PABPN1L: variants seen among roughly 807,000 people sequenced by gnomAD.
PABPN1L encodes the protein embryonic polyadenylate-binding protein 2.
PABPN1L carries 45 observed loss-of-function variants against 34.0 expected under a neutral mutation model. The observed-to-expected ratio is 1.32, with a 90% CI of 1.04 to 1.70. The LOEUF is 1.70. Ranked by LOEUF, PABPN1L falls within the 40% of genes most tolerant of loss-of-function variation. The pLI, the probability that PABPN1L is intolerant of heterozygous loss-of-function variation, is 0.00. For synonymous variants in PABPN1L, 182 were observed against 152.1 expected (o/e 1.20, Z -1.45); for missense variants, 459 against 367.8 (o/e 1.25, Z -2.03).
At chr16:88,867,976 C>T (rs1373802572), upstream of PABPN1L, among the ~76,000 whole-genome samples, 1 of 152,188 alleles carries the variant, frequency 6.6e-6, no homozygotes, top group African/African-American at 2.4e-5. Flanking sequence ...GCCAGTGGGG[C>T]TGGGATTCCT....
At chr16:88,866,143 C>T (rs947018268) in intron 1 of PABPN1L, among the ~76,000 whole-genome samples, 1 of 152,248 alleles carries the variant, frequency 6.6e-6, no homozygotes, top group African/African-American at 2.4e-5. Context: ...CCTCAAGGGC[C>T]CTTCCCCAGG....
At chr16:88,865,724 C>G (rs1968575709) in intron 2 of PABPN1L, 82 bp downstream of exon 2, 2 of 1,553,710 alleles carry the variant, frequency 1.3e-6, no homozygotes, top group African/African-American at 2.7e-5. Flanking sequence ...GAGGTGACAC[C>G]TTGGAGCCTG....
exon 7 of PABPN1L, chr16:88,863,428 G>A (rs2143018993): frequency 6.1e-6 from 3 of 494,312 alleles, no homozygotes; most frequent in Middle Eastern, 1.1e-3. Flanking sequence ...GAAGAGCTGA[G>A]CATGCCAACC....
exon 2 of PABPN1L, chr16:88,865,839 C>T (rs531857554): frequency 1.1e-5 from 17 of 1,609,466 alleles, no homozygotes; most frequent in South Asian, 5.5e-5. Context: ...TGCCCGGCCG[C>T]GGTGCCCTCC....
intron 2 of PABPN1L, 30 bp downstream of exon 2, chr16:88,865,776 T>G: frequency 6.3e-7 from 1 of 1,586,050 alleles, no homozygotes. Context: ...CCTTGCTCAG[T>G]GGGGGGCGGC....
At chr16:88,868,465 G>A (rs192188420), upstream of PABPN1L, among the ~76,000 whole-genome samples, 2,055 of 152,310 alleles carry the variant, frequency 0.013, 21 homozygotes, top group East Asian at 0.021. Context: ...AATTAGCCAG[G>A]CATGGTGGCG....
chr16:88,866,763 G>T, upstream of PABPN1L: 1 of 1,095,002 alleles, frequency 9.1e-7, no homozygotes, highest in Non-Finnish European at 1.3e-6. Flanking sequence ...TGAGCTTCCA[G>T]CCTTGGCTCC....
At chr16:88,867,229 T>C (rs1968622698), upstream of PABPN1L, among the ~76,000 whole-genome samples, 1 of 151,710 alleles carries the variant, frequency 6.6e-6, no homozygotes, top group Non-Finnish European at 1.5e-5. Context: ...CCTTTTTTTT[T>C]TTTTTCTTTT....
intron 5 of PABPN1L, among the ~76,000 whole-genome samples, chr16:88,864,591 C>A (rs1189352122): frequency 6.6e-6 from 1 of 152,028 alleles, no homozygotes; most frequent in South Asian, 2.1e-4. Context: ...ACGGCCAGCA[C>A]CCCTGCAGAG....
upstream of PABPN1L, among the ~76,000 whole-genome samples, chr16:88,868,368 C>T (rs920545215): frequency 2.0e-4 from 30 of 152,120 alleles, no homozygotes; most frequent in African/African-American, 6.7e-4. Context: ...TCTGGGAGGC[C>T]GAGGTGAGCG....
At chr16:88,864,339 G>A (rs1439671932) in exon 6 of PABPN1L, 2 of 1,555,744 alleles carry the variant, frequency 1.3e-6, no homozygotes, top group African/African-American at 1.4e-5. Context: ...CCCGCGGTCT[G>A]TGGAGCTGAT....
chr16:88,863,540 C>T (rs1382833975), exon 7 of PABPN1L: 4 of 661,414 alleles, frequency 6.0e-6, no homozygotes, highest in East Asian at 2.8e-5. Flanking sequence ...ACCACCGGGC[C>T]GTGGCTGTGA....
exon 7 of PABPN1L, chr16:88,863,573 T>C (rs956167106): frequency 8.9e-6 from 7 of 788,120 alleles, no homozygotes; most frequent in Non-Finnish European, 1.5e-5. Flanking sequence ...GCCTTGGGTC[T>C]GGACCACCAT....
chr16:88,866,670 C>T (rs2143020791), upstream of PABPN1L: 2 of 1,461,040 alleles, frequency 1.4e-6, no homozygotes, highest in East Asian at 2.5e-5. Context: ...CGCGTCCGCA[C>T]CTGCCCAGGC....
At chr16:88,869,621 G>A (rs895873681), upstream of PABPN1L, among the ~76,000 whole-genome samples, 3 of 152,254 alleles carry the variant, frequency 2.0e-5, no homozygotes, top group African/African-American at 4.8e-5. Flanking sequence ...TGCCCCGTGT[G>A]TCTGTGCCTG....
exon 7 of PABPN1L, chr16:88,863,634 C>G: frequency 3.1e-6 from 4 of 1,282,918 alleles, no homozygotes; most frequent in Non-Finnish European, 4.4e-6. Flanking sequence ...AGTGGCTGCT[C>G]TGGACACCCC....
At chr16:88,863,621 G>GC in exon 7 of PABPN1L, 1 of 1,130,514 alleles carries the variant, frequency 8.8e-7, no homozygotes, top group Non-Finnish European at 1.3e-6. Context: ...CCAAGAGGGG[G>GC]CCAGTGGCTG....
exon 7 of PABPN1L, chr16:88,863,736 C>T (rs918324002): frequency 3.3e-6 from 5 of 1,535,848 alleles, no homozygotes; most frequent in Middle Eastern, 1.7e-4. Flanking sequence ...CAGCCCCTCT[C>T]TCAAAATCGG....
At chr16:88,864,809 C>A (rs1597639777) in intron 5 of PABPN1L, 44 bp downstream of exon 5, 1 of 1,535,352 alleles carries the variant, frequency 6.5e-7, no homozygotes. Context: ...AGTGGGCCAG[C>A]CCCTCTGCGC....
Sources: allele counts gnomAD v4.1 joint callset (sites outside exome capture counted in the v4.1 genomes callset), GRCh38; gene constraint gnomAD v4.1.1; transcripts MANE v1.5; gene names NCBI Gene and HGNC (gene_info 2026-07-23, HGNC 2026-07-21).